GRIN2A: variants seen among roughly 807,000 people sequenced by gnomAD.
GRIN2A encodes glutamate ionotropic receptor NMDA type subunit 2A, also known as glutamate receptor ionotropic, NMDA 2A.
In GRIN2A, 22 loss-of-function variants were observed where a neutral mutation model predicts 113.4. The observed-to-expected ratio is 0.19, with a 90% CI of 0.14 to 0.28. The LOEUF is 0.28. Among genes scored for constraint, GRIN2A ranks in the 10% least tolerant of loss-of-function variants. The pLI, the probability that GRIN2A is intolerant of heterozygous loss-of-function variation, is 1.00. For synonymous variants in GRIN2A, 827 were observed against 738.4 expected, an observed-to-expected ratio of 1.12 and a Z score of -1.94; for missense variants, 1,502 against 1,887.0, an observed-to-expected ratio of 0.80 and a Z score of 3.78.
intron 2 of GRIN2A, among the ~76,000 whole-genome samples, chr16:10,028,896 G>A (rs575822443): frequency 2.0e-5 from 3 of 152,218 alleles, no homozygotes; most frequent in Non-Finnish European, 4.4e-5. Flanking sequence ...AATTGGGCTG[G>A]AGAACCACAG....
At chr16:9,868,119 A>AT (rs958112616) in intron 4 of GRIN2A, among the ~76,000 whole-genome samples, 27 of 152,208 alleles carry the variant, frequency 1.8e-4, no homozygotes, top group African/African-American at 5.1e-4. Context: ...ATATTTGAAC[A>AT]TTTTTTACTG....
chr16:10,076,973 C>T (rs560044189), intron 2 of GRIN2A, among the ~76,000 whole-genome samples: 1 of 152,160 alleles, frequency 6.6e-6, no homozygotes, highest in Non-Finnish European at 1.5e-5. Context: ...CCTGGATGAC[C>T]TGCGTGGGGC....
intron 2 of GRIN2A, among the ~76,000 whole-genome samples, chr16:10,131,290 G>A (rs2049056310): frequency 6.6e-6 from 1 of 152,156 alleles, no homozygotes; most frequent in South Asian, 2.1e-4. Flanking sequence ...CCATGGAGAT[G>A]CTAAGCAACC....
rs144545983 is a variant in GRIN2A, at chr16:9,757,409, T to G, written c.*5740A>C. 3.5e-3 allele frequency: 808 copies of G among 230,442 alleles called. 9 individuals carry two copies. Among genetic ancestry groups the G allele is most frequent in the Middle Eastern group, 0.02 (15 of 758 alleles). The allele number at this position is 230,442 out of a possible 1,614,324, so 14.3% of individuals were successfully genotyped here. On this transcript the variant is annotated 3_prime_UTR_variant, in exon 13 of 13. Coordinates refer to ENST00000330684, the MANE Select transcript of GRIN2A (RefSeq NM_001134407.3). ...TGCTCATAGAATCAGATTATTTTTTTTTTCCTGGCTACAACTTTAGTTGTC... is the reference window on the plus strand; with the variant it reads ...TGCTCATAGAATCAGATTATTTTTTGTTTCCTGGCTACAACTTTAGTTGTC...
intron 4 of GRIN2A, among the ~76,000 whole-genome samples, chr16:9,862,896 A>G (rs576105449): frequency 4.6e-5 from 7 of 152,308 alleles, no homozygotes; most frequent in African/African-American, 1.7e-4. Flanking sequence ...ATGGGCTGCA[A>G]TAATAATTAT....
intron 2 of GRIN2A, among the ~76,000 whole-genome samples, chr16:10,102,559 T>C (rs534166063): frequency 7.9e-5 from 12 of 152,140 alleles, no homozygotes; most frequent in South Asian, 2.1e-4. Context: ...TTCTTTTTTA[T>C]TGGGGGGGAC....
chr16:9,901,569 C>T (rs57687341), intron 3 of GRIN2A, among the ~76,000 whole-genome samples: 3,274 of 152,198 alleles, frequency 0.022, 124 homozygotes, highest in African/African-American at 0.074. Flanking sequence ...AAGTGATTCT[C>T]GTGCCTCAGC....
intron 2 of GRIN2A, among the ~76,000 whole-genome samples, chr16:10,049,819 T>C (rs2047327093): frequency 6.6e-6 from 1 of 152,344 alleles, no homozygotes; most frequent in Non-Finnish European, 1.5e-5. Flanking sequence ...CAGAACATTT[T>C]GTGCAATTTT....
intron 2 of GRIN2A, among the ~76,000 whole-genome samples, chr16:10,124,233 G>A (rs948418111): frequency 1.5e-4 from 23 of 152,160 alleles, no homozygotes; most frequent in African/African-American, 4.6e-4. Flanking sequence ...AAGAGCACAG[G>A]TCAGGTGGCC....
chr16:9,949,715 G>T (rs2045128526), intron 2 of GRIN2A, among the ~76,000 whole-genome samples: 1 of 151,420 alleles, frequency 6.6e-6, no homozygotes, highest in Non-Finnish European at 1.5e-5. Flanking sequence ...TTGGATGGAT[G>T]GACGGACAGA....
chr16:9,955,911 C>A (rs2045296924), intron 2 of GRIN2A, among the ~76,000 whole-genome samples: 1 of 152,170 alleles, frequency 6.6e-6, no homozygotes, highest in Non-Finnish European at 1.5e-5. Context: ...CACCTTTGGG[C>A]AGAAATCCCC....
At chr16:10,021,825 C>T (rs2046730055) in intron 2 of GRIN2A, among the ~76,000 whole-genome samples, 1 of 152,172 alleles carries the variant, frequency 6.6e-6, no homozygotes, top group South Asian at 2.1e-4. Context: ...CCGTTCAGGA[C>T]ACTCTGAGTG....
intron 2 of GRIN2A, among the ~76,000 whole-genome samples, chr16:10,078,466 G>C (rs58879221): frequency 0.025 from 2,152 of 87,252 alleles, 48 homozygotes; most frequent in African/African-American, 0.076. Flanking sequence ...GGCAAGACAA[G>C]GGGGGAAAAG....
chr16:9,845,037 A>G (rs1334036976), intron 5 of GRIN2A, among the ~76,000 whole-genome samples: 1 of 152,170 alleles, frequency 6.6e-6, no homozygotes, highest in Non-Finnish European at 1.5e-5. Context: ...CGTTCCCTAT[A>G]GGAAATGCAA....
At chr16:9,886,601 T>C (rs575616227) in intron 4 of GRIN2A, among the ~76,000 whole-genome samples, 4 of 152,314 alleles carry the variant, frequency 2.6e-5, no homozygotes, top group Admixed American at 2.6e-4. Flanking sequence ...TCTAAGTTTC[T>C]TGAGTACAGA....
intron 2 of GRIN2A, among the ~76,000 whole-genome samples, chr16:10,005,238 A>T (rs7198528): frequency 0.091 from 13,926 of 152,266 alleles, 721 homozygotes; most frequent in Non-Finnish European, 0.11. Flanking sequence ...ATTGATATAA[A>T]AAGTGACAGC....
chr16:10,046,279 C>T (rs139735409), intron 2 of GRIN2A, among the ~76,000 whole-genome samples: 18 of 152,000 alleles, frequency 1.2e-4, no homozygotes, highest in African/African-American at 4.1e-4. Context: ...ATCTTATCAC[C>T]ACCCTGAGGA....
chr16:9,931,287 G>T (rs1053804536), intron 3 of GRIN2A, among the ~76,000 whole-genome samples: 1 of 152,118 alleles, frequency 6.6e-6, no homozygotes, highest in African/African-American at 2.4e-5. Context: ...AGCTTGCAGT[G>T]TAACAAGTAT....
intron 2 of GRIN2A, among the ~76,000 whole-genome samples, chr16:10,015,270 A>AAAAAAAAAAAAAAAAC (rs2046586056): frequency 9.0e-6 from 1 of 110,910 alleles, no homozygotes; most frequent in Non-Finnish European, 1.8e-5. Flanking sequence ...AAAAAAAAAA[A>AAAAAAAAAAAAAAAAC]AGAAAAAAAA....
Sources: allele counts gnomAD v4.1 joint callset (sites outside exome capture counted in the v4.1 genomes callset), GRCh38; gene constraint gnomAD v4.1.1; transcripts MANE v1.5; gene names NCBI Gene and HGNC (gene_info 2026-07-23, HGNC 2026-07-21).